The following ZNF507 variants were observed in gnomAD, a reference collection of about 807,000 sequenced individuals.
ZNF507 encodes the protein zinc finger protein 507.
In ZNF507, 29 loss-of-function variants were observed where a neutral mutation model predicts 80.0. That is an observed-to-expected ratio of 0.36 (90% CI 0.27 to 0.49). ZNF507 has a LOEUF of 0.49. Among genes scored for constraint, ZNF507 ranks in the 20% least tolerant of loss-of-function variants. The probability of loss-of-function intolerance (pLI) is 0.98; values close to 1 mark genes in which losing one functional copy is unlikely to be tolerated. For synonymous variants in ZNF507, 462 were observed against 422.5 expected (o/e 1.09, Z -1.15); for missense variants, 1,081 against 1,152.2 (o/e 0.94, Z 0.90).
chr19:32,357,043 A>G (rs1967262137), intron 4 of ZNF507: 4 of 238,682 alleles, frequency 1.7e-5, no homozygotes, highest in Admixed American at 1.0e-4. Context: ...AACATGGAAA[A>G]CAGGCCTCCC....
intron 2 of ZNF507, among the ~76,000 whole-genome samples, chr19:32,348,274 A>G (rs1967120573): frequency 6.7e-6 from 1 of 150,350 alleles, no homozygotes; most frequent in Admixed American, 6.7e-5. Context: ...AAGAATGGGG[A>G]ATTTATTGGC....
At position 32,384,546 on chromosome 19, in the gene ZNF507, C is replaced by T. The variant is rs1381348538; in HGVS notation, c.*1463C>T. On this transcript the variant is annotated 3_prime_UTR_variant, in exon 7 of 7. Coordinates refer to ENST00000355898, the MANE Select transcript of ZNF507 (RefSeq NM_001136156.2). ...TCTAACACCTGGATGAGGCTGTGAC[C>T]GATCAACTTGGAACACTGTAAAGGT... The T allele has an allele frequency of 2.6e-5, 4 of 152,182 alleles. No homozygotes were observed. The highest frequency in any genetic ancestry group is 1.9e-4 in the East Asian group (1 of 5,186). The allele number at this position is 152,182 out of a possible 1,614,324, so 9.4% of individuals were successfully genotyped here. A position where few individuals can be genotyped will look rare whatever the true frequency, so the allele number is the denominator to read the frequency against.
intron 5 of ZNF507, among the ~76,000 whole-genome samples, chr19:32,376,860 G>A (rs929784327): frequency 4.6e-5 from 7 of 152,290 alleles, no homozygotes; most frequent in Non-Finnish European, 7.4e-5. Flanking sequence ...CATGGGTCAC[G>A]TGTCCACTGG....
intron 4 of ZNF507, chr19:32,358,532 C>T (rs377176345): frequency 2.0e-4 from 30 of 152,350 alleles, no homozygotes; most frequent in African/African-American, 7.2e-4. Context: ...AGGAATCCAA[C>T]TCAGTGAAGA....
intron 5 of ZNF507, among the ~76,000 whole-genome samples, chr19:32,376,178 A>G (rs1405556609): frequency 1.3e-5 from 2 of 152,208 alleles, no homozygotes; most frequent in Non-Finnish European, 2.9e-5. Flanking sequence ...TTATAAAAAT[A>G]TATGTATTTT....
intron 2 of ZNF507, among the ~76,000 whole-genome samples, chr19:32,348,228 A>T (rs1158857330): frequency 2.0e-5 from 3 of 152,180 alleles, no homozygotes; most frequent in African/African-American, 7.2e-5. Flanking sequence ...CTGGAGCAAA[A>T]TAAATTTGTC....
intron 3 of ZNF507, among the ~76,000 whole-genome samples, chr19:32,355,440 C>A (rs373124186): frequency 6.6e-6 from 1 of 152,022 alleles, no homozygotes; most frequent in Admixed American, 6.5e-5. Flanking sequence ...TGGGCTATGG[C>A]GGACCTATTA....
At chr19:32,348,224 C>T (rs1967120052) in intron 2 of ZNF507, among the ~76,000 whole-genome samples, 1 of 151,690 alleles carries the variant, frequency 6.6e-6, no homozygotes, top group Non-Finnish European at 1.5e-5. Flanking sequence ...TTGGCTGGAG[C>T]AAAATAAATT....
rs74882898 is a variant in ZNF507 at position 32,368,440 on chromosome 19, A to G, written c.2360+7822A>G. Among the ~76,000 whole-genome samples the G allele has an allele frequency of 8.0e-3, 1,225 of 152,334 alleles. 20 individuals carry two copies. The highest frequency in any genetic ancestry group is 0.028 in the African/African-American group (1,182 of 41,576). ...GACTTTGCAGGTCTGCTAGTCCCCA[A>G]AATGAGCTTCTTAGATAAGAAGTAG... On this transcript the variant is annotated intron_variant, in intron 5 of 6. Coordinates refer to ENST00000355898, the MANE Select transcript of ZNF507 (RefSeq NM_001136156.2).
rs1416037411 is a variant in ZNF507 at position 32,354,038 on chromosome 19, C to T, written c.1208C>T (p.Pro403Leu). 1 of 1,614,104 alleles carries T rather than the reference C, an allele frequency of 6.2e-7. No individual in the cohort carries two copies. The change falls in exon 3 of 7, where the codon CCA (proline) becomes CTA (leucine). Residue 403 changes from proline (P) to leucine (L), a missense_variant. Coordinates refer to ENST00000355898, the MANE Select transcript of ZNF507 (RefSeq NM_001136156.2). ...GHVNVIVERL[P>L]SAEETLSQKR... ...GTTAACGTGATAGTGGAGCGATTGCCAAGTGCTGAAGAAACCCTTTCACAG... is the reference window on the plus strand; with the variant it reads ...GTTAACGTGATAGTGGAGCGATTGCTAAGTGCTGAAGAAACCCTTTCACAG...
At chr19:32,377,544 T>C (rs1468734224) in intron 5 of ZNF507, among the ~76,000 whole-genome samples, 1 of 152,250 alleles carries the variant, frequency 6.6e-6, no homozygotes, top group Admixed American at 6.5e-5. Flanking sequence ...TGTTGTTTTA[T>C]ATATTTTATT....
intron 6 of ZNF507, 28 bp from the exon 7 acceptor site, chr19:32,382,689 G>C (rs377311740): frequency 6.2e-7 from 1 of 1,609,568 alleles, no homozygotes; most frequent in East Asian, 2.2e-5. Context: ...GCCTCCTCAC[G>C]GTGTGCTGTG....
rs1347607195 is a variant in ZNF507, at chr19:32,373,477, C to T, written c.2361-8990C>T. Among the ~76,000 whole-genome samples the T allele has an allele frequency of 2.6e-5, 4 of 152,326 alleles. No homozygotes were observed. In the East Asian group the frequency reaches 7.7e-4, roughly 29 times the overall value. ...GTGGTTTGAACAGTGCTTGCCTTCT[C>T]ATTGTATCCTTTGCAGTCTAGAATG... On this transcript the variant is annotated intron_variant, in intron 5 of 6. Coordinates refer to ENST00000355898, the MANE Select transcript of ZNF507 (RefSeq NM_001136156.2).
At position 32,384,713 on chromosome 19, in the gene ZNF507, T is replaced by TC. The variant is rs962727621; in HGVS notation, c.*1630_*1631insC. The TC allele has an allele frequency of 6.6e-6, 1 of 151,624 alleles. No individual in the cohort carries two copies. Among genetic ancestry groups the TC allele is most frequent in the Admixed American group, 6.6e-5 (1 of 15,206 alleles). 9.4% of individuals were successfully genotyped at this position (151,624 alleles called of 1,614,324 possible). A position where few individuals can be genotyped will look rare whatever the true frequency, so the allele number is the denominator to read the frequency against. On this transcript the variant is annotated 3_prime_UTR_variant, in exon 7 of 7. Coordinates refer to ENST00000355898, the MANE Select transcript of ZNF507 (RefSeq NM_001136156.2). The stretch of plus-strand genomic sequence containing the variant: ...CATCTTGCAACATTTTCTGATTTTT[T>TC]TTTCTTTCTTTCTAATCTCATTTTG...
chr19:32,362,167 G>A (rs1345096407), intron 5 of ZNF507, among the ~76,000 whole-genome samples: 2 of 152,114 alleles, frequency 1.3e-5, no homozygotes, highest in Non-Finnish European at 2.9e-5. Context: ...GGATTACATG[G>A]TTACACCATG....
chr19:32,348,921 G>T (rs1043899242), intron 2 of ZNF507, among the ~76,000 whole-genome samples: 68 of 152,140 alleles, frequency 4.5e-4, no homozygotes, highest in Non-Finnish European at 2.8e-4. Flanking sequence ...ACTTGTATCA[G>T]CAGTATTCCA....
In ZNF507 at chr19:32,381,608, AAACAACAACAAC is replaced by A. The variant is rs372959149; in HGVS notation, c.2361-844_2361-833del. On this transcript the variant is annotated intron_variant, in intron 5 of 6. Transcript: ENST00000355898. Reference sequence around the variant, plus strand: ...GGGAGACAGAGCAAGACTCTATCTCAAACAACAACAACAACAACAACAACAAAAAACCCCACA... The same window carrying A: ...GGGAGACAGAGCAAGACTCTATCTCAAACAACAACAACAAAAAACCCCACA... Among the ~76,000 whole-genome samples the A allele has an allele frequency of 3.9e-5, 6 of 152,040 alleles. No individual in the cohort carries two copies. In the South Asian group the frequency reaches 1.0e-3, roughly 26 times the overall value.
chr19:32,348,347 G>A (rs545054842), intron 2 of ZNF507, among the ~76,000 whole-genome samples: 1 of 151,304 alleles, frequency 6.6e-6, no homozygotes, highest in African/African-American at 2.4e-5. Flanking sequence ...TTCTTGTTCT[G>A]AAAGAGAAGG....
chr19:32,380,540 T>C (rs866241660), intron 5 of ZNF507: 13 of 1,472,540 alleles, frequency 8.8e-6, no homozygotes, highest in Middle Eastern at 1.7e-4. Context: ...TTAATTGTTT[T>C]ATTTACTCCT....
Sources: allele counts gnomAD v4.1 joint callset (sites outside exome capture counted in the v4.1 genomes callset), GRCh38; gene constraint gnomAD v4.1.1; transcripts MANE v1.5; gene names NCBI Gene and HGNC (gene_info 2026-07-23, HGNC 2026-07-21).